Variants in NUP210 observed in about 807,000 individuals in gnomAD.
NUP210 encodes the protein nucleoporin 210.
A neutral mutation model predicts 196.0 loss-of-function variants in NUP210; 151 were observed. The observed-to-expected ratio is 0.77, with a 90% CI of 0.67 to 0.88. The LOEUF (loss-of-function observed/expected upper bound fraction) is 0.88. NUP210 is among the 40% of genes least tolerant of loss of function. The pLI is 0.00. For synonymous variants in NUP210, 1,070 were observed against 1,052.7 expected, an observed-to-expected ratio of 1.02 and a Z score of -0.32; for missense variants, 2,314 against 2,493.7, an observed-to-expected ratio of 0.93 and a Z score of 1.53.
intron 12 of NUP210, among the ~76,000 whole-genome samples, chr3:13,372,799 TGGCCCC>T (rs1698775913): frequency 6.6e-6 from 1 of 152,172 alleles, no homozygotes; most frequent in African/African-American, 2.4e-5. Flanking sequence ...CCCCGCCAGC[TGGCCCC>T]GGAAGCCAGG....
intron 16 of NUP210, among the ~76,000 whole-genome samples, chr3:13,357,379 G>A (rs1284280918): frequency 4.6e-5 from 7 of 152,166 alleles, no homozygotes; most frequent in Admixed American, 2.6e-4. Context: ...CCCTTGCAGC[G>A]CTTGCCACCT....
intron 16 of NUP210, among the ~76,000 whole-genome samples, chr3:13,355,104 A>G (rs1698123975): frequency 6.6e-6 from 1 of 152,232 alleles, no homozygotes; most frequent in Non-Finnish European, 1.5e-5. Flanking sequence ...TCCAGCTATG[A>G]CACACAAAGC....
chr3:13,377,402 G>T, intron 9 of NUP210, 54 bp downstream of exon 9: 3 of 1,313,250 alleles, frequency 2.3e-6, no homozygotes, highest in Non-Finnish European at 2.2e-6. Flanking sequence ...CAGCAGCCGC[G>T]TCAGACAACG....
chr3:13,328,761 C>T lies in NUP210; in HGVS notation c.4286+10G>A, dbSNP rs565641817. 1.9e-6 allele frequency: 3 copies of T among 1,613,370 alleles called. No individual in the cohort carries two copies. The highest frequency in any genetic ancestry group is 3.3e-5 in the Admixed American group (2 of 60,014). On this transcript the variant is annotated intron_variant, in intron 31 of 39. Coordinates refer to ENST00000254508, the MANE Select transcript of NUP210 (RefSeq NM_024923.4). ...CTTCATAGGAGAAATGACCCTTGCC[C>T]ACATCCTACCTGTTAGTGGCAAAGT...
rs1576357716 is a variant in NUP210 at position 13,337,905 on chromosome 3, C to A, written c.3484G>T (p.Val1162Leu). 6.2e-7 allele frequency: 1 copy of A among 1,612,836 alleles called. No individual in the cohort carries two copies. The highest frequency in any genetic ancestry group is 2.2e-5 in the East Asian group (1 of 44,878). The change falls in exon 26 of 40, where the codon GTG (valine) becomes TTG (leucine). Residue 1162 changes from valine to leucine, a missense_variant. Physicochemically the swap from Val to Leu is conservative, Grantham distance 32. Transcript: ENST00000254508. ...VVIISQDLVQ[V>L]EVLLLRAVRI... ...ACGGCCCTTAGCAGCAGCACCTCCACCTGCACGAGGTCCTGGGGAAACAGG... is the reference window on the plus strand; with the variant it reads ...ACGGCCCTTAGCAGCAGCACCTCCAACTGCACGAGGTCCTGGGGAAACAGG...
chr3:13,397,894 T>C (rs573335874), intron 2 of NUP210, among the ~76,000 whole-genome samples: 2 of 152,220 alleles, frequency 1.3e-5, no homozygotes, highest in South Asian at 2.1e-4. Context: ...TTTTCACATA[T>C]GCTGGTGTTT....
rs1269013773 is a variant in NUP210 at position 13,360,419 on chromosome 3, TGG to T, written c.2003_2004del (p.Pro668GlnfsTer17). Reference protein sequence around the residue: ...SSKEMLFEGGPRPWILEPSKF... With the variant: ...SSKEMLFEGGXRPWILEPSKF... ...TTGGACGGCTCGAGGATCCAAGGTCTGGGACCTCCTTCAAACAGCATCTCCTT... is the reference window on the plus strand; with the variant it reads ...TTGGACGGCTCGAGGATCCAAGGTCTGACCTCCTTCAAACAGCATCTCCTT... On this transcript the variant is annotated frameshift_variant, in exon 15 of 40. Coordinates refer to ENST00000254508, the MANE Select transcript of NUP210 (RefSeq NM_024923.4). LOFTEE classifies it high-confidence loss of function. 1 of 1,613,972 alleles carries T rather than the reference TGG, an allele frequency of 6.2e-7. No individual in the cohort carries two copies. The highest frequency in any genetic ancestry group is 8.5e-7 in the Non-Finnish European group (1 of 1,180,012).
intron 1 of NUP210, among the ~76,000 whole-genome samples, chr3:13,418,514 A>C (rs1700419668): frequency 7.2e-6 from 1 of 139,454 alleles, no homozygotes; most frequent in South Asian, 2.1e-4. Context: ...AGGCAGGTGG[A>C]TCGCTTGAGG....
At chr3:13,376,039 A>G (rs1472211821) in intron 10 of NUP210, among the ~76,000 whole-genome samples, 2 of 152,206 alleles carry the variant, frequency 1.3e-5, no homozygotes, top group Admixed American at 1.3e-4. Flanking sequence ...CCAGGCCAGG[A>G]GGCCTTCTGT....
rs1211564723 is a variant in NUP210 at position 13,348,249 on chromosome 3, C to T, written c.2835+3630G>A. On this transcript the variant is annotated intron_variant, in intron 20 of 39. Coordinates refer to ENST00000254508, the MANE Select transcript of NUP210 (RefSeq NM_024923.4). The surrounding 1 kb of genome is among the most constrained non-coding windows in gnomAD (Gnocchi z 4.0). ...GGAATCCCACCTTGAGTCTTTCAGA[C>T]AAGTGTCCCAGCTTCTGCTCAAATG... 5 of 354,972 alleles carry T rather than the reference C, an allele frequency of 1.4e-5. No individual in the cohort carries two copies. The highest frequency in any genetic ancestry group is 2.0e-5 in the Non-Finnish European group (5 of 253,818). The allele number at this position is 354,972 out of a possible 1,614,324, so 22.0% of individuals were successfully genotyped here. A position where few individuals can be genotyped will look rare whatever the true frequency, so the allele number is the denominator to read the frequency against.
At chr3:13,383,730 T>C (rs1699177358) in intron 6 of NUP210, among the ~76,000 whole-genome samples, 1 of 152,006 alleles carries the variant, frequency 6.6e-6, no homozygotes, top group Non-Finnish European at 1.5e-5. Context: ...GGTTTCACCA[T>C]GTTAGCCAGG....
chr3:13,335,215 C>T (rs1389282375), intron 28 of NUP210, among the ~76,000 whole-genome samples: 1 of 152,218 alleles, frequency 6.6e-6, no homozygotes, highest in Non-Finnish European at 1.5e-5. Context: ...TTTGCCAGCC[C>T]CTCCCATCCT....
At chr3:13,412,850 A>T (rs1208121650) in intron 1 of NUP210, among the ~76,000 whole-genome samples, 1 of 151,286 alleles carries the variant, frequency 6.6e-6, no homozygotes, top group Non-Finnish European at 1.5e-5. Context: ...GGGCACCTGT[A>T]GTCCCAGCTA....
At chr3:13,345,168 G>C in intron 20 of NUP210, 1 of 985,432 alleles carries the variant, frequency 1.0e-6, no homozygotes, top group Non-Finnish European at 1.2e-6. Flanking sequence ...CATGGAACCT[G>C]GTGCTCCAGC....
At chr3:13,382,973 G>GC (rs1165408282) in intron 6 of NUP210, among the ~76,000 whole-genome samples, 1 of 151,722 alleles carries the variant, frequency 6.6e-6, no homozygotes, top group East Asian at 1.9e-4. Flanking sequence ...CAGAGAGACC[G>GC]CATCTCTATT....
chr3:13,393,259 G>C (rs1017138903), intron 3 of NUP210, among the ~76,000 whole-genome samples: 1 of 152,182 alleles, frequency 6.6e-6, no homozygotes, highest in East Asian at 1.9e-4. Flanking sequence ...GGATGGAGGT[G>C]GGGGAGGCCC....
chr3:13,415,092 T>G (rs959884276), intron 1 of NUP210, among the ~76,000 whole-genome samples: 2 of 152,070 alleles, frequency 1.3e-5, no homozygotes, highest in African/African-American at 4.8e-5. Flanking sequence ...AAAAATTAGC[T>G]GGGTATGTGC....
intron 5 of NUP210, 96 bp downstream of exon 5, chr3:13,388,207 C>G: frequency 1.1e-6 from 1 of 877,238 alleles, no homozygotes; most frequent in Non-Finnish European, 1.7e-6. Flanking sequence ...TTCCACTATT[C>G]AACGTGCCTA....
At chr3:13,365,675 TG>T (rs2124900344) in intron 14 of NUP210, among the ~76,000 whole-genome samples, 1 of 152,330 alleles carries the variant, frequency 6.6e-6, no homozygotes, top group South Asian at 2.1e-4. Flanking sequence ...CTACCTTCGT[TG>T]GGAGAGGCTG....
Sources: allele counts gnomAD v4.1 joint callset (sites outside exome capture counted in the v4.1 genomes callset), GRCh38; gene constraint gnomAD v4.1.1; non-coding constraint Gnocchi (gnomAD v3.1); transcripts MANE v1.5; gene names NCBI Gene and HGNC (gene_info 2026-07-23, HGNC 2026-07-21).